The following TNS3 variants were observed in gnomAD, a reference collection of about 807,000 sequenced individuals.
TNS3 encodes tensin 3.
A neutral mutation model predicts 140.9 loss-of-function variants in TNS3; 45 were observed. The observed-to-expected ratio is 0.32, with a 90% confidence interval of 0.25 to 0.41. The LOEUF is 0.41. Among genes scored for constraint, TNS3 ranks in the 10% least tolerant of loss-of-function variants. The pLI is 1.00. For missense variants in TNS3, 1,716 were observed against 1,906.7 expected, an observed-to-expected ratio of 0.90 and a Z score of 1.86; for synonymous variants, 815 against 788.4, an observed-to-expected ratio of 1.03 and a Z score of -0.56.
intron 17 of TNS3, among the ~76,000 whole-genome samples, chr7:47,365,805 T>C (rs1168339714): frequency 6.6e-6 from 1 of 152,146 alleles, no homozygotes; most frequent in African/African-American, 2.4e-5. Context: ...CCAAGTAATT[T>C]AAAAACAGCC....
intron 2 of TNS3, among the ~76,000 whole-genome samples, chr7:47,521,638 T>C (rs182415535): frequency 9.2e-5 from 14 of 152,086 alleles, no homozygotes; most frequent in East Asian, 5.8e-4. Flanking sequence ...GGCACCTTCC[T>C]GAGGACCTGG....
At chr7:47,292,505 C>T (rs778168549) in intron 26 of TNS3, among the ~76,000 whole-genome samples, 3 of 152,170 alleles carry the variant, frequency 2.0e-5, no homozygotes, top group Non-Finnish European at 2.9e-5. Flanking sequence ...TCCGTAGAAA[C>T]GTAAAAATTA....
At chr7:47,348,310 A>C (rs1221305079) in intron 17 of TNS3, among the ~76,000 whole-genome samples, 2 of 152,202 alleles carry the variant, frequency 1.3e-5, no homozygotes, top group African/African-American at 4.8e-5. Context: ...TGGAAAAAGG[A>C]GCCATGCAGC....
chr7:47,472,891 G>C (rs1314161048), intron 4 of TNS3, among the ~76,000 whole-genome samples: 1 of 152,196 alleles, frequency 6.6e-6, no homozygotes, highest in African/African-American at 2.4e-5. Context: ...TGGGAGATGG[G>C]GGTGAGGGTC....
intron 3 of TNS3, among the ~76,000 whole-genome samples, chr7:47,501,089 AAGAG>A (rs1269343836): frequency 1.3e-5 from 2 of 149,672 alleles, no homozygotes; most frequent in African/African-American, 5.0e-5. Context: ...GACAAACAGA[AAGAG>A]AGAAAGAGAG....
At chr7:47,581,873 CCCGCGCTCCCCGAACTCTGTCT>C (rs1406569469) in intron 1 of TNS3, among the ~76,000 whole-genome samples, 156 bp downstream of exon 1, 84 of 151,336 alleles carry the variant, frequency 5.6e-4, no homozygotes, top group Middle Eastern at 3.5e-3. Context: ...GCTCCCGTAC[CCCGCGCTCCCCGAACTCTGTCT>C]CCGCGCTCCC....
intron 20 of TNS3, among the ~76,000 whole-genome samples, chr7:47,328,108 C>T (rs545344653): frequency 5.1e-4 from 77 of 152,268 alleles, no homozygotes; most frequent in African/African-American, 1.7e-3. Flanking sequence ...CCTGTCCCAG[C>T]GGTGGCGTCC....
At chr7:47,452,860 G>A in intron 4 of TNS3, 2 of 931,362 alleles carry the variant, frequency 2.1e-6, no homozygotes, top group Non-Finnish European at 2.6e-6. Context: ...CACAGAGGAG[G>A]GTGGCCAGGG....
chr7:47,468,745 A>G (rs1313869541), intron 4 of TNS3, among the ~76,000 whole-genome samples: 1 of 152,248 alleles, frequency 6.6e-6, no homozygotes, highest in African/African-American at 2.4e-5. Context: ...AACTATTGTA[A>G]AATTCATATG....
intron 8 of TNS3, among the ~76,000 whole-genome samples, chr7:47,430,357 C>T (rs1366337855): frequency 2.0e-5 from 3 of 151,888 alleles, no homozygotes; most frequent in South Asian, 2.1e-4. Flanking sequence ...CTCGAACTCC[C>T]GATGTCAGGT....
chr7:47,278,462 C>G (rs1042368884), intron 30 of TNS3: 2 of 506,286 alleles, frequency 4.0e-6, no homozygotes, highest in African/African-American at 3.8e-5. Context: ...GAGGTGAGTG[C>G]CCTGTCCACA....
intron 27 of TNS3, among the ~76,000 whole-genome samples, chr7:47,288,314 G>A (rs957428172): frequency 6.6e-6 from 1 of 152,196 alleles, no homozygotes; most frequent in Non-Finnish European, 1.5e-5. Flanking sequence ...GGGTGAAGGG[G>A]AGGAGACAAT....
intron 4 of TNS3, among the ~76,000 whole-genome samples, chr7:47,461,215 G>A (rs1360829354): frequency 6.6e-5 from 10 of 152,220 alleles, no homozygotes; most frequent in Admixed American, 4.6e-4. Flanking sequence ...GAACCAGGCT[G>A]AGCAAAGCCA....
chr7:47,559,006 G>GTA (rs1800268359), intron 1 of TNS3, among the ~76,000 whole-genome samples: 1 of 152,176 alleles, frequency 6.6e-6, no homozygotes, highest in Non-Finnish European at 1.5e-5. Context: ...CAACGCCCGT[G>GTA]TATATAGACC....
chr7:47,477,720 T>C (rs369399805), intron 4 of TNS3, among the ~76,000 whole-genome samples: 16 of 152,100 alleles, frequency 1.1e-4, no homozygotes, highest in Non-Finnish European at 1.6e-4. Context: ...AGCAATTCCA[T>C]GCCCATCCAA....
At chr7:47,486,006 G>A (rs1296314908) in intron 3 of TNS3, among the ~76,000 whole-genome samples, 1 of 151,822 alleles carries the variant, frequency 6.6e-6, no homozygotes, top group African/African-American at 2.4e-5. Flanking sequence ...GAGTGTGGGT[G>A]TGTGGAGGTG....
chr7:47,443,621 T>C (rs566799571), intron 4 of TNS3, among the ~76,000 whole-genome samples: 13 of 152,246 alleles, frequency 8.5e-5, no homozygotes, highest in South Asian at 8.3e-4. Flanking sequence ...TCAGTGTGTA[T>C]AAAAAGTATT....
chr7:47,393,791 G>A (rs1032513644), intron 16 of TNS3, among the ~76,000 whole-genome samples: 4 of 152,036 alleles, frequency 2.6e-5, no homozygotes, highest in East Asian at 3.9e-4. Context: ...CGCCCTATCC[G>A]ACTCCTCACC....
At chr7:47,459,464 A>C (rs1331636151) in intron 4 of TNS3, among the ~76,000 whole-genome samples, 7 of 152,238 alleles carry the variant, frequency 4.6e-5, no homozygotes, top group African/African-American at 1.7e-4. Context: ...CCAGTGTCCC[A>C]GAGAACACAG....
Sources: allele counts gnomAD v4.1 joint callset (sites outside exome capture counted in the v4.1 genomes callset), GRCh38; gene constraint gnomAD v4.1.1; transcripts MANE v1.5; gene names NCBI Gene and HGNC (gene_info 2026-07-23, HGNC 2026-07-21).